The following RAVER2 variants were observed in gnomAD, a reference collection of about 807,000 sequenced individuals.
RAVER2 encodes the protein ribonucleoprotein, PTB binding 2, also known as ribonucleoprotein PTB-binding 2.
RAVER2 carries 46 observed loss-of-function variants against 78.1 expected under a neutral mutation model. The observed-to-expected ratio is 0.59, with a 90% CI of 0.46 to 0.75. The LOEUF (loss-of-function observed/expected upper bound fraction) is 0.75. RAVER2 is among the 30% of genes least tolerant of loss of function. RAVER2 has a pLI of 0.00. For missense variants in RAVER2, 793 were observed against 837.5 expected (o/e 0.95, Z 0.66); for synonymous variants, 311 against 313.3 (o/e 0.99, Z 0.08).
At chr1:64,818,114 T>C (rs1653796995) in intron 11 of RAVER2, among the ~76,000 whole-genome samples, 1 of 152,178 alleles carries the variant, frequency 6.6e-6, no homozygotes, top group Non-Finnish European at 1.5e-5. Flanking sequence ...GAGATGAATA[T>C]GTCAAGGCAT....
intron 11 of RAVER2, among the ~76,000 whole-genome samples, chr1:64,828,324 C>T (rs1418087864): frequency 1.3e-5 from 2 of 152,162 alleles, no homozygotes; most frequent in Non-Finnish European, 1.5e-5. Flanking sequence ...AAGTTTCATT[C>T]ATCCAGGTAA....
At chr1:64,813,645 G>T (rs1305577876) in intron 10 of RAVER2, among the ~76,000 whole-genome samples, 1 of 151,922 alleles carries the variant, frequency 6.6e-6, no homozygotes, top group Non-Finnish European at 1.5e-5. Flanking sequence ...TACATCCTCT[G>T]TATTTTATGA....
chr1:64,814,574 C>A lies in RAVER2; in HGVS notation c.1793-130C>A, dbSNP rs866317305. 4.8e-5 allele frequency: 25 copies of A among 521,156 alleles called. 2 individuals carry two copies. In the Middle Eastern group the frequency reaches 5.3e-3, roughly 111 times the overall value. The allele number at this position is 521,156 out of a possible 1,614,324, so 32.3% of individuals were successfully genotyped here. ...TTCTATTTGATAATGTGCTGAGTTA[C>A]AATTTATAATAAAATATAATTTGTT... On this transcript the variant is annotated intron_variant, in intron 10 of 11. Coordinates refer to ENST00000294428, the Ensembl canonical transcript of RAVER2.
chr1:64,775,561 A>C (rs1234995315), intron 2 of RAVER2, among the ~76,000 whole-genome samples: 2 of 152,194 alleles, frequency 1.3e-5, no homozygotes, highest in African/African-American at 4.8e-5. Flanking sequence ...CCACACATTG[A>C]GTAACACATG....
At chr1:64,816,457 G>A (rs1310528165) in intron 11 of RAVER2, 1 of 152,012 alleles carries the variant, frequency 6.6e-6, no homozygotes, top group African/African-American at 2.4e-5. Context: ...TTAATTAAAT[G>A]TTACTAATGG....
rs906716363 is a variant in RAVER2 at position 64,763,274 on chromosome 1, G to A, written c.250-5382G>A. On this transcript the variant is annotated intron_variant, in intron 1 of 11. Coordinates refer to ENST00000294428, the Ensembl canonical transcript of RAVER2. ...ATCATGCCACTGCACTCCAGCCTGGGCGACAGAGCGAGACTCCATCTCAAA... is the reference window on the plus strand; with the variant it reads ...ATCATGCCACTGCACTCCAGCCTGGACGACAGAGCGAGACTCCATCTCAAA... Among the ~76,000 whole-genome samples, 5 of 151,938 alleles carry A rather than the reference G, an allele frequency of 3.3e-5. No homozygotes were observed. The East Asian group carries it at 9.7e-4, about 29-fold the overall frequency.
intron 11 of RAVER2, among the ~76,000 whole-genome samples, chr1:64,830,104 C>T (rs2100907848): frequency 6.6e-6 from 1 of 152,326 alleles, no homozygotes; most frequent in African/African-American, 2.4e-5. Context: ...TATTAAGTCA[C>T]ATAATTCTGC....
At chr1:64,751,818 C>T (rs533048437) in intron 1 of RAVER2, among the ~76,000 whole-genome samples, 1 of 152,058 alleles carries the variant, frequency 6.6e-6, no homozygotes, top group African/African-American at 2.4e-5. Flanking sequence ...TAACTTTCCT[C>T]GCTCAGCTAA....
At chr1:64,825,713 T>C (rs1253172706) in intron 11 of RAVER2, among the ~76,000 whole-genome samples, 2 of 152,212 alleles carry the variant, frequency 1.3e-5, no homozygotes, top group Non-Finnish European at 2.9e-5. Context: ...ATACATTGTA[T>C]TAAAAACTGG....
At chr1:64,830,391 C>T (rs192466511) in intron 11 of RAVER2, among the ~76,000 whole-genome samples, 7 of 152,302 alleles carry the variant, frequency 4.6e-5, no homozygotes, top group Non-Finnish European at 8.8e-5. Context: ...TCAGTTTCTA[C>T]ACCTATTGAT....
intron 11 of RAVER2, among the ~76,000 whole-genome samples, chr1:64,827,575 C>G (rs191517167): frequency 1.3e-5 from 2 of 152,288 alleles, no homozygotes; most frequent in East Asian, 3.9e-4. Flanking sequence ...GAATATTAGA[C>G]ATGTAAAACT....
At chr1:64,830,841 GTCA>G (rs1273913429) in exon 12 of RAVER2, 1 of 1,597,624 alleles carries the variant, frequency 6.3e-7, no homozygotes, top group Non-Finnish European at 8.5e-7. Flanking sequence ...TCTCATAGGT[GTCA>G]TCTTTAAGAA....
At chr1:64,763,297 A>C (rs1471180812) in intron 1 of RAVER2, among the ~76,000 whole-genome samples, 1 of 152,010 alleles carries the variant, frequency 6.6e-6, no homozygotes, top group Non-Finnish European at 1.5e-5. Flanking sequence ...ACTCCATCTC[A>C]AAAAAAAGAA....
chr1:64,811,702 A>G (rs974329071), intron 9 of RAVER2, among the ~76,000 whole-genome samples: 5 of 152,358 alleles, frequency 3.3e-5, no homozygotes, highest in South Asian at 2.1e-4. Context: ...AACATACAAC[A>G]TATGTGTTAA....
At chr1:64,792,478 CT>C (rs1652971116) in intron 5 of RAVER2, among the ~76,000 whole-genome samples, 1 of 152,200 alleles carries the variant, frequency 6.6e-6, no homozygotes, top group African/African-American at 2.4e-5. Context: ...TCTGGGCTAT[CT>C]TTACTAATTC....
chr1:64,776,411 G>T (rs1004161703), intron 2 of RAVER2, among the ~76,000 whole-genome samples: 2 of 152,198 alleles, frequency 1.3e-5, no homozygotes, highest in African/African-American at 2.4e-5. Flanking sequence ...TTAAATGTTA[G>T]CATCACACTT....
At chr1:64,825,331 T>C (rs1319252429) in intron 11 of RAVER2, among the ~76,000 whole-genome samples, 2 of 152,184 alleles carry the variant, frequency 1.3e-5, no homozygotes, top group South Asian at 2.1e-4. Flanking sequence ...GGAGAACTAG[T>C]GCAGTCCCAT....
chr1:64,798,452 C>T (rs889156857), intron 5 of RAVER2, among the ~76,000 whole-genome samples: 1 of 150,200 alleles, frequency 6.7e-6, no homozygotes, highest in African/African-American at 2.5e-5. Flanking sequence ...AATGGGATGG[C>T]TGGGTCAAAT....
chr1:64,759,370 G>A (rs1307850196), intron 1 of RAVER2, among the ~76,000 whole-genome samples: 1 of 150,322 alleles, frequency 6.7e-6, no homozygotes, highest in Non-Finnish European at 1.5e-5. Context: ...CAAGGCGCCC[G>A]CCACCACGCC....
Sources: allele counts gnomAD v4.1 joint callset (sites outside exome capture counted in the v4.1 genomes callset), GRCh38; gene constraint gnomAD v4.1.1; transcripts MANE v1.5; gene names NCBI Gene and HGNC (gene_info 2026-07-23, HGNC 2026-07-21).